Variants in PIEZO2 observed in about 807,000 individuals in gnomAD.
The protein encoded by PIEZO2 is piezo type mechanosensitive ion channel component 2.
A neutral mutation model predicts 337.3 loss-of-function variants in PIEZO2; 172 were observed. The ratio of observed to expected loss-of-function variants is 0.51; its 90% CI spans 0.45 to 0.58. The LOEUF is 0.58. PIEZO2 is among the 20% of genes least tolerant of loss of function. The pLI, the probability that PIEZO2 is intolerant of heterozygous loss-of-function variation, is 0.00. For synonymous variants in PIEZO2, 1,251 were observed against 1,228.5 expected (o/e 1.02, Z -0.38); for missense variants, 3,028 against 3,391.3 (o/e 0.89, Z 2.66).
intron 33 of PIEZO2, chr18:10,738,969 T>A (rs2037116024): frequency 6.6e-6 from 1 of 152,228 alleles, no homozygotes. Context: ...ATTTTTGTAT[T>A]GTCAATAGAT....
chr18:10,791,368 G>GGAATGTAAAAACATTCAAC (rs2039405865), intron 13 of PIEZO2, 44 bp from the exon 14 acceptor site: 5 of 1,447,674 alleles, frequency 3.5e-6, no homozygotes, highest in Non-Finnish European at 4.5e-6. Context: ...GCAACCATTT[G>GGAATGTAAAAACATTCAAC]GAATGTAAAA....
chr18:10,737,787 A>G (rs1225633674), intron 33 of PIEZO2: 1 of 152,242 alleles, frequency 6.6e-6, no homozygotes, highest in Non-Finnish European at 1.5e-5. Flanking sequence ...CATCGCAGGA[A>G]AACATATTTT....
chr18:10,985,837 G>C (rs1258736585), intron 2 of PIEZO2, among the ~76,000 whole-genome samples: 1 of 151,892 alleles, frequency 6.6e-6, no homozygotes, highest in Non-Finnish European at 1.5e-5. Context: ...TTACAGAACA[G>C]TCAGTAAATA....
In PIEZO2 at chr18:10,759,609, C is replaced by A. The variant is rs556345515; in HGVS notation, c.3656-26G>T. The A allele has an allele frequency of 6.5e-7, 1 of 1,535,282 alleles. No individual in the cohort carries two copies. Among genetic ancestry groups the A allele is most frequent in the South Asian group, 1.2e-5 (1 of 84,010 alleles). The stretch of plus-strand genomic sequence containing the variant: ...CTGCAGGGAGGGAAGTGGCGAACAG[C>A]ACAATCAATACTCTTCTTCACCACT... On this transcript the variant is annotated intron_variant, in intron 25 of 55. Coordinates refer to ENST00000674853, the MANE Select transcript of PIEZO2 (RefSeq NM_001378183.1). This position sits in a 1 kb window ranked among gnomAD's most constrained non-coding sequence, Gnocchi z 5.5.
At chr18:11,051,301 C>G (rs889062335) in intron 2 of PIEZO2, among the ~76,000 whole-genome samples, 2 of 151,236 alleles carry the variant, frequency 1.3e-5, no homozygotes, top group Non-Finnish European at 2.9e-5. Context: ...CAACTTTGTT[C>G]TTAGAAATAA....
At position 11,111,480 on chromosome 18, in the gene PIEZO2, G is replaced by A. The variant is rs188559525; in HGVS notation, c.64+37045C>T. Among the ~76,000 whole-genome samples the A allele has an allele frequency of 3.3e-5, 5 of 152,324 alleles. No homozygotes were observed. Among genetic ancestry groups the A allele is most frequent in the African/African-American group, 1.2e-4 (5 of 41,574 alleles). On this transcript the variant is annotated intron_variant, in intron 1 of 55. Coordinates refer to ENST00000674853, the MANE Select transcript of PIEZO2 (RefSeq NM_001378183.1). This position sits in a 1 kb window ranked among gnomAD's most constrained non-coding sequence, Gnocchi z 6.2. ...ACGTGGCACGTGGCAACAATAGGCT[G>A]CCCCTTCTGGAGAAGCATGCACCAC...
chr18:10,873,390 C>T (rs2042186390), intron 4 of PIEZO2, among the ~76,000 whole-genome samples: 1 of 152,134 alleles, frequency 6.6e-6, no homozygotes, highest in Admixed American at 6.5e-5. Context: ...AATTATACTC[C>T]ATTCTCCCTA....
intron 11 of PIEZO2, among the ~76,000 whole-genome samples, chr18:10,799,433 C>A (rs2039724679): frequency 6.6e-6 from 1 of 152,176 alleles, no homozygotes; most frequent in Non-Finnish European, 1.5e-5. Context: ...TCAAGGGATT[C>A]CAGAAGTGTC....
chr18:10,681,359 G>A (rs1474998776), intron 51 of PIEZO2, among the ~76,000 whole-genome samples: 1 of 152,130 alleles, frequency 6.6e-6, no homozygotes, highest in Non-Finnish European at 1.5e-5. Context: ...TACTTCTTAG[G>A]ACAGATTCCC....
Position 10,671,692 on chromosome 18 carries a change from A to C in PIEZO2, c.8433T>G (p.Phe2811Leu), listed in dbSNP as rs748809903. The change falls in exon 56 of 56, where the codon TTT (phenylalanine) becomes TTG (leucine). Residue 2811 changes from phenylalanine (F) to leucine (L), a missense_variant. Physicochemically the swap from Phe to Leu is conservative, Grantham distance 22. Around this residue, in one of 5 missense-constraint regions of PIEZO2, gnomAD observed 332 missense variants for 363.8 expected, o/e 0.91. Coordinates refer to ENST00000674853, the MANE Select transcript of PIEZO2 (RefSeq NM_001378183.1). ...TTCGATCCACATTTGGAAGCTCTTCAAACATGATGGAGTGAGAAATCCCAC... is the reference window on the plus strand; with the variant it reads ...TTCGATCCACATTTGGAAGCTCTTCCAACATGATGGAGTGAGAAATCCCAC... The part of the protein sequence containing the change: ...FFSGISHSIM[F>L]EELPNVDRIL... The C allele has an allele frequency of 2.5e-6, 4 of 1,613,966 alleles. No homozygotes were observed. The highest frequency in any genetic ancestry group is 3.4e-6 in the Non-Finnish European group (4 of 1,180,004).
At chr18:11,018,188 C>T (rs568517069) in intron 2 of PIEZO2, among the ~76,000 whole-genome samples, 4 of 148,978 alleles carry the variant, frequency 2.7e-5, no homozygotes, top group African/African-American at 1.0e-4. Context: ...CCTCAGTCAT[C>T]GCATGGTGGT....
At chr18:10,790,540 T>C (rs1312727289) in intron 14 of PIEZO2, among the ~76,000 whole-genome samples, 1 of 152,186 alleles carries the variant, frequency 6.6e-6, no homozygotes, top group Non-Finnish European at 1.5e-5. Flanking sequence ...TACATTGTGG[T>C]ATACTATTGT....
At position 11,108,613 on chromosome 18, in the gene PIEZO2, C is replaced by CAA. The variant is rs532226919; in HGVS notation, c.64+39910_64+39911dup. 8.5e-3 allele frequency among the ~76,000 whole-genome samples: 484 copies of CAA among 56,874 alleles called. 31 individuals are homozygous for CAA. Among genetic ancestry groups the CAA allele is most frequent in the African/African-American group, 0.015 (214 of 14,502 alleles). The allele number at this position is 56,874 out of a possible 152,430, so 37.3% of individuals were successfully genotyped here. ...TGGGCAACAGAGCCAGACTCCCTCT[C>CAA]AAAAAAAAAAAAAAAAAAAAAAAAA... On this transcript the variant is annotated intron_variant, in intron 1 of 55. Coordinates refer to ENST00000674853, the MANE Select transcript of PIEZO2 (RefSeq NM_001378183.1).
Position 10,748,600 on chromosome 18 carries a change from C to A in PIEZO2, c.4295G>T (p.Ser1432Ile). 6.5e-7 allele frequency: 1 copy of A among 1,528,116 alleles called. No homozygotes were observed. Among genetic ancestry groups the A allele is most frequent in the Non-Finnish European group, 8.7e-7 (1 of 1,143,252 alleles). 94.7% of individuals were successfully genotyped at this position (1,528,116 alleles called of 1,614,324 possible). Residue 1432 changes from serine to isoleucine, a missense_variant, in exon 30 of 56, where the codon AGT becomes ATT. Ser to Ile is a moderately radical substitution (Grantham distance 142, BLOSUM62 -2). Transcript: ENST00000674853. The surrounding 1 kb of genome is among the most constrained non-coding windows in gnomAD (Gnocchi z 5.1). Reference sequence around the variant, plus strand: ...GTCCCAAATGATTCCTGCTTCCCCACTGGGAAGTGTACAGGGTGAATTAGC... The same window carrying A: ...GTCCCAAATGATTCCTGCTTCCCCAATGGGAAGTGTACAGGGTGAATTAGC... Reference protein sequence around the residue: ...PAANSPCTLPSGEAGIIWDSI... With the variant: ...PAANSPCTLPIGEAGIIWDSI...
intron 7 of PIEZO2, among the ~76,000 whole-genome samples, chr18:10,852,743 G>A (rs911348889): frequency 6.6e-6 from 1 of 152,128 alleles, no homozygotes; most frequent in Non-Finnish European, 1.5e-5. Flanking sequence ...CCATCCAGAG[G>A]CACAGCAGAG....
chr18:10,718,305 A>T (rs759029487), intron 36 of PIEZO2, 46 bp from the exon 37 acceptor site: 3 of 1,432,616 alleles, frequency 2.1e-6, no homozygotes, highest in South Asian at 2.5e-5. Context: ...CATCTAGGGT[A>T]AATTAAATGC....
rs541581590 is a variant in PIEZO2 at position 10,862,827 on chromosome 18, A to G, written c.493-5616T>C. On this transcript the variant is annotated intron_variant, in intron 5 of 55. Transcript: ENST00000674853. This position sits in a 1 kb window ranked among gnomAD's most constrained non-coding sequence, Gnocchi z 4.4. ...GCAACCACTGATCAATGAATTCTCCATAGGGGTTCAGCTGAATAGGCACAA... is the reference window on the plus strand; with the variant it reads ...GCAACCACTGATCAATGAATTCTCCGTAGGGGTTCAGCTGAATAGGCACAA... Among the ~76,000 whole-genome samples, 24 of 152,364 alleles carry G rather than the reference A, an allele frequency of 1.6e-4. No homozygotes were observed. In the South Asian group the frequency reaches 2.3e-3, roughly 14 times the overall value.
At chr18:11,122,005 G>A (rs2040040728) in intron 1 of PIEZO2, among the ~76,000 whole-genome samples, 1 of 152,020 alleles carries the variant, frequency 6.6e-6, no homozygotes. Flanking sequence ...CCAGGCTGGA[G>A]TGCAGTGGCG....
intron 4 of PIEZO2, among the ~76,000 whole-genome samples, chr18:10,875,932 C>T (rs191990210): frequency 1.3e-5 from 2 of 152,330 alleles, no homozygotes; most frequent in Admixed American, 1.3e-4. Context: ...AATTGGGCTG[C>T]GACCCCTACT....
Sources: gnomAD v4.1 joint callset for allele counts (sites outside exome capture counted in the v4.1 genomes callset) on GRCh38, gnomAD v4.1.1 for gene constraint, gnomAD v4.1.1 regional missense constraint, Gnocchi (gnomAD v3.1) non-coding constraint, MANE v1.5 for transcripts, NCBI Gene and HGNC (gene_info 2026-07-23, HGNC 2026-07-21) for gene names.